The following DOCK1 variants were observed in gnomAD, a reference collection of about 807,000 sequenced individuals.
The protein encoded by DOCK1 is dedicator of cytokinesis protein 1.
Under a neutral mutation model 262.7 loss-of-function variants are expected in DOCK1, and 138 were observed. The observed-to-expected ratio is 0.53, with a 90% confidence interval of 0.46 to 0.61. The LOEUF is 0.61. DOCK1 is among the 20% of genes least tolerant of loss of function. The pLI, the probability that DOCK1 is intolerant of heterozygous loss-of-function variation, is 0.00. For missense variants in DOCK1, 1,908 were observed against 2,370.7 expected, an observed-to-expected ratio of 0.80 and a Z score of 4.05; for synonymous variants, 866 against 867.4, an observed-to-expected ratio of 1.00 and a Z score of 0.03.
chr10:127,256,428 G>A (rs2134932936), intron 28 of DOCK1, among the ~76,000 whole-genome samples: 1 of 152,112 alleles, frequency 6.6e-6, no homozygotes, highest in Middle Eastern at 3.4e-3. Flanking sequence ...GGCAATCCCT[G>A]ACCATGGCCT....
intron 1 of DOCK1, among the ~76,000 whole-genome samples, chr10:126,953,431 CGGT>C (rs1490593134): frequency 7.1e-6 from 1 of 139,866 alleles, no homozygotes; most frequent in Non-Finnish European, 1.6e-5. Flanking sequence ...GTATTGTTAT[CGGT>C]GGTGATGGCG....
chr10:127,414,782 G>A (rs1028909616), intron 43 of DOCK1, among the ~76,000 whole-genome samples: 2 of 152,204 alleles, frequency 1.3e-5, no homozygotes, highest in Non-Finnish European at 2.9e-5. Context: ...GAACACTGTA[G>A]CTAATGTAAG....
chr10:127,222,600 C>T (rs548763355), intron 27 of DOCK1, among the ~76,000 whole-genome samples: 4 of 151,338 alleles, frequency 2.6e-5, no homozygotes, highest in South Asian at 2.1e-4. Flanking sequence ...TCTTTTTGGT[C>T]GACATTTCAT....
chr10:127,346,681 C>T (rs949428508), intron 31 of DOCK1, among the ~76,000 whole-genome samples: 1 of 152,222 alleles, frequency 6.6e-6, no homozygotes, highest in East Asian at 1.9e-4. Context: ...CACGTAGTGG[C>T]GTGGATTCAG....
intron 1 of DOCK1, among the ~76,000 whole-genome samples, chr10:126,943,554 T>G (rs1052337418): frequency 4.9e-4 from 74 of 152,316 alleles, no homozygotes; most frequent in African/African-American, 1.7e-3. Flanking sequence ...GGATTTCGGC[T>G]AAATTCATGC....
intron 27 of DOCK1, among the ~76,000 whole-genome samples, chr10:127,144,433 T>TG (rs1159538595): frequency 1.3e-5 from 2 of 152,226 alleles, no homozygotes; most frequent in Non-Finnish European, 2.9e-5. Context: ...CATTGAAGGA[T>TG]GGACCATGTT....
intron 13 of DOCK1, among the ~76,000 whole-genome samples, chr10:127,020,860 A>T (rs764213586): frequency 2.6e-5 from 4 of 152,066 alleles, no homozygotes; most frequent in Non-Finnish European, 5.9e-5. Context: ...GTCTGCAGGG[A>T]TGCGCGTCTT....
chr10:126,946,222 C>G (rs2035390836), intron 1 of DOCK1, among the ~76,000 whole-genome samples: 2 of 152,154 alleles, frequency 1.3e-5, no homozygotes, highest in South Asian at 4.1e-4. Flanking sequence ...AAGACTTTCA[C>G]CGTCCCAGAC....
At chr10:127,123,757 T>C (rs2049765065) in intron 25 of DOCK1, among the ~76,000 whole-genome samples, 1 of 152,316 alleles carries the variant, frequency 6.6e-6, no homozygotes, top group African/African-American at 2.4e-5. Context: ...GGCAGTCTCC[T>C]ACACGGGCAG....
chr10:127,226,897 C>A (rs944270539), intron 27 of DOCK1, among the ~76,000 whole-genome samples: 36 of 152,154 alleles, frequency 2.4e-4, no homozygotes, highest in African/African-American at 8.7e-4. Context: ...GCGTTCCCCA[C>A]AGCACCCAAG....
chr10:127,432,573 G>A (rs2069372671), intron 47 of DOCK1, among the ~76,000 whole-genome samples: 1 of 152,110 alleles, frequency 6.6e-6, no homozygotes, highest in Admixed American at 6.5e-5. Context: ...AGGTACCCTG[G>A]AATTTTCTAG....
chr10:127,282,389 G>A (rs1038358038), intron 29 of DOCK1, among the ~76,000 whole-genome samples: 7 of 152,194 alleles, frequency 4.6e-5, no homozygotes, highest in Non-Finnish European at 8.8e-5. Context: ...TTGTTGACTT[G>A]CATCTCCGAG....
chr10:126,953,232 G>A (rs1402602748), intron 1 of DOCK1, among the ~76,000 whole-genome samples: 1 of 151,094 alleles, frequency 6.6e-6, no homozygotes, highest in Admixed American at 6.6e-5. Flanking sequence ...AGTATTTTTA[G>A]TAGTGTTGGT....
intron 13 of DOCK1, among the ~76,000 whole-genome samples, chr10:127,022,863 T>G (rs1425719071): frequency 6.6e-6 from 1 of 152,066 alleles, no homozygotes; most frequent in Non-Finnish European, 1.5e-5. Flanking sequence ...CAAGGGACAA[T>G]GGTGTGGGCT....
chr10:127,072,005 C>T (rs542531234), intron 23 of DOCK1, among the ~76,000 whole-genome samples: 1 of 152,242 alleles, frequency 6.6e-6, no homozygotes, highest in Non-Finnish European at 1.5e-5. Context: ...TGCTCAGGAA[C>T]CTGAACTTAT....
At chr10:127,358,177 C>T (rs1463318594) in intron 32 of DOCK1, among the ~76,000 whole-genome samples, 1 of 152,124 alleles carries the variant, frequency 6.6e-6, no homozygotes, top group Non-Finnish European at 1.5e-5. Context: ...TGAGTCTCCT[C>T]CTTCAGTCTT....
At chr10:127,244,816 C>T (rs373754399) in intron 27 of DOCK1, among the ~76,000 whole-genome samples, 386 of 152,258 alleles carry the variant, frequency 2.5e-3, no homozygotes, top group Non-Finnish European at 3.7e-3. Flanking sequence ...TGTTCAGGCT[C>T]AGGGATGGTT....
intron 12 of DOCK1, among the ~76,000 whole-genome samples, chr10:127,017,795 G>A (rs1170595836): frequency 1.5e-5 from 2 of 132,612 alleles, no homozygotes; most frequent in South Asian, 2.6e-4. Flanking sequence ...TTCCCATGGG[G>A]GGAAAAGATG....
rs906494320 is a variant in DOCK1, at chr10:127,451,831, T to C, written c.*404T>C. 4 of 218,448 alleles carry C rather than the reference T, an allele frequency of 1.8e-5. No individual in the cohort carries two copies. The highest frequency in any genetic ancestry group is 6.9e-5 in the African/African-American group (3 of 43,240). The allele number at this position is 218,448 out of a possible 1,614,324, so 13.5% of individuals were successfully genotyped here. On this transcript the variant is annotated 3_prime_UTR_variant, in exon 52 of 52. Transcript: ENST00000623213. ...CTCTTAGGAAGCTGTGTAGTGATGATGTATAAGAATCCTCCTCACTGTCAT... is the reference window on the plus strand; with the variant it reads ...CTCTTAGGAAGCTGTGTAGTGATGACGTATAAGAATCCTCCTCACTGTCAT...
Sources: gnomAD v4.1 joint callset for allele counts (sites outside exome capture counted in the v4.1 genomes callset) on GRCh38, gnomAD v4.1.1 for gene constraint, MANE v1.5 for transcripts, NCBI Gene and HGNC (gene_info 2026-07-23, HGNC 2026-07-21) for gene names.